Variants in ADAMTS3 observed in about 807,000 individuals in gnomAD.
The protein encoded by ADAMTS3 is A disintegrin and metalloproteinase with thrombospondin motifs 3.
Under a neutral mutation model 129.0 loss-of-function variants are expected in ADAMTS3, and 73 were observed. That is an observed-to-expected ratio of 0.57 (90% CI 0.47 to 0.69). The LOEUF (loss-of-function observed/expected upper bound fraction) is 0.69. Among genes scored for constraint, ADAMTS3 ranks in the 30% least tolerant of loss-of-function variants. The probability of loss-of-function intolerance (pLI) is 0.00; values close to 1 mark genes in which losing one functional copy is unlikely to be tolerated. For missense variants in ADAMTS3, 1,457 were observed against 1,514.5 expected, an observed-to-expected ratio of 0.96 and a Z score of 0.63; for synonymous variants, 477 against 510.8, an observed-to-expected ratio of 0.93 and a Z score of 0.89.
intron 4 of ADAMTS3, among the ~76,000 whole-genome samples, chr4:72,340,961 A>C (rs1720121133): frequency 6.6e-6 from 1 of 152,214 alleles, no homozygotes; most frequent in Non-Finnish European, 1.5e-5. Flanking sequence ...CAAGTTTGAC[A>C]GAACCAGCTC....
intron 3 of ADAMTS3, among the ~76,000 whole-genome samples, chr4:72,455,973 C>CTATATATATTTTAT (rs1418698479): frequency 4.1e-4 from 5 of 12,086 alleles, no homozygotes; most frequent in African/African-American, 1.1e-3. Flanking sequence ...ATATATTTTA[C>CTATATATATTTTAT]ATATAGTATA....
chr4:72,410,455 T>C (rs1722158954), intron 4 of ADAMTS3, among the ~76,000 whole-genome samples: 2 of 152,080 alleles, frequency 1.3e-5, no homozygotes, highest in Non-Finnish European at 2.9e-5. Flanking sequence ...TTCCCACTGG[T>C]AGGATGTAAT....
intron 3 of ADAMTS3, among the ~76,000 whole-genome samples, chr4:72,538,313 C>G (rs1217965443): frequency 6.6e-6 from 1 of 152,044 alleles, no homozygotes; most frequent in East Asian, 1.9e-4. Context: ...AGCATGAATT[C>G]AAAGAGACTC....
At chr4:72,431,168 A>T (rs1722690210) in intron 3 of ADAMTS3, among the ~76,000 whole-genome samples, 1 of 152,028 alleles carries the variant, frequency 6.6e-6, no homozygotes, top group Admixed American at 6.6e-5. Flanking sequence ...CAGAAGCGGA[A>T]AGAAAGAAAA....
chr4:72,442,265 A>G (rs1718137614), intron 3 of ADAMTS3: 1 of 151,802 alleles, frequency 6.6e-6, no homozygotes, highest in African/African-American at 2.4e-5. Context: ...GCCTTAGTCC[A>G]TTTTGTATTG....
At chr4:72,430,992 G>T (rs1722684923) in intron 3 of ADAMTS3, among the ~76,000 whole-genome samples, 1 of 151,918 alleles carries the variant, frequency 6.6e-6, no homozygotes, top group Non-Finnish European at 1.5e-5. Flanking sequence ...AATGGAACAT[G>T]AACTATTAAG....
intron 3 of ADAMTS3, among the ~76,000 whole-genome samples, chr4:72,424,747 G>A (rs968675452): frequency 1.2e-4 from 18 of 152,022 alleles, no homozygotes; most frequent in African/African-American, 4.3e-4. Context: ...CTTCTCCCAA[G>A]AAACTAGTTC....
intron 4 of ADAMTS3, among the ~76,000 whole-genome samples, chr4:72,395,409 T>C (rs891623844): frequency 5.3e-5 from 8 of 152,070 alleles, no homozygotes; most frequent in Admixed American, 2.6e-4. Context: ...AAATAAGTGT[T>C]TAGGCAATTG....
At chr4:72,322,599 A>G (rs1446013083) in intron 6 of ADAMTS3, among the ~76,000 whole-genome samples, 2 of 152,126 alleles carry the variant, frequency 1.3e-5, no homozygotes, top group Non-Finnish European at 2.9e-5. Context: ...TTTTTTCTTC[A>G]TTATATATTC....
chr4:72,547,674 T>C (rs1299589888), intron 3 of ADAMTS3, among the ~76,000 whole-genome samples: 1 of 152,068 alleles, frequency 6.6e-6, no homozygotes, highest in Non-Finnish European at 1.5e-5. Context: ...TTAGTACATA[T>C]AAAATAAATA....
intron 19 of ADAMTS3, 47 bp from the exon 20 acceptor site, chr4:72,291,109 G>C: frequency 6.3e-7 from 1 of 1,592,704 alleles, no homozygotes; most frequent in Non-Finnish European, 8.6e-7. Flanking sequence ...GGTATGTATA[G>C]TGTACACATT....
At chr4:72,398,859 C>T (rs187986635) in intron 4 of ADAMTS3, among the ~76,000 whole-genome samples, 5 of 152,196 alleles carry the variant, frequency 3.3e-5, no homozygotes, top group African/African-American at 1.2e-4. Context: ...TACCCTCCAA[C>T]AGTGAAAAGA....
At chr4:72,319,998 T>G in intron 7 of ADAMTS3, 35 bp from the exon 8 acceptor site, 2 of 1,570,770 alleles carry the variant, frequency 1.3e-6, no homozygotes, top group Non-Finnish European at 1.7e-6. Context: ...ATTTTCATTT[T>G]ATGAGAAAAC....
chr4:72,352,652 T>C (rs934283248), intron 4 of ADAMTS3, among the ~76,000 whole-genome samples: 2 of 151,994 alleles, frequency 1.3e-5, no homozygotes, highest in South Asian at 2.1e-4. Context: ...TGCAAGATAT[T>C]TGTGTAACTG....
At chr4:72,363,082 A>C (rs1720770059) in intron 4 of ADAMTS3, among the ~76,000 whole-genome samples, 2 of 152,170 alleles carry the variant, frequency 1.3e-5, no homozygotes, top group African/African-American at 4.8e-5. Context: ...CATGAAAGTT[A>C]TTCTCATGAA....
chr4:72,489,879 T>C lies in ADAMTS3; in HGVS notation c.504+58599A>G, dbSNP rs201706981. 6.6e-5 allele frequency among the ~76,000 whole-genome samples: 10 copies of C among 151,868 alleles called. No homozygotes were observed. In the East Asian group the frequency reaches 9.6e-4, roughly 15 times the overall value. On this transcript the variant is annotated intron_variant, in intron 3 of 21. Transcript: ENST00000286657. Reference sequence around the variant, plus strand: ...ACAGATAAGGAAGTTGCTGTATATATACCCAAAAGTAGATCGCTGGAATAT... The same window carrying C: ...ACAGATAAGGAAGTTGCTGTATATACACCCAAAAGTAGATCGCTGGAATAT...
chr4:72,435,317 T>C (rs1722794719), intron 3 of ADAMTS3, among the ~76,000 whole-genome samples: 1 of 151,792 alleles, frequency 6.6e-6, no homozygotes, highest in African/African-American at 2.4e-5. Flanking sequence ...AAATATTGAT[T>C]TTTAGGGCTA....
chr4:72,332,919 T>G (rs1191041003), intron 5 of ADAMTS3, among the ~76,000 whole-genome samples: 1 of 152,142 alleles, frequency 6.6e-6, no homozygotes, highest in Non-Finnish European at 1.5e-5. Flanking sequence ...GCAAGAGATA[T>G]ATAAAATGCC....
At chr4:72,316,795 C>T (rs1057214532) in intron 10 of ADAMTS3, among the ~76,000 whole-genome samples, 1 of 152,026 alleles carries the variant, frequency 6.6e-6, no homozygotes, top group Non-Finnish European at 1.5e-5. Context: ...ATTCTAGGTA[C>T]AACAAAATAT....
Sources: allele counts gnomAD v4.1 joint callset (sites outside exome capture counted in the v4.1 genomes callset), GRCh38; gene constraint gnomAD v4.1.1; transcripts MANE v1.5; gene names NCBI Gene and HGNC (gene_info 2026-07-23, HGNC 2026-07-21).